The following DPH6 variants were observed in gnomAD, a reference collection of about 807,000 sequenced individuals.
The protein encoded by DPH6 is diphthine--ammonia ligase.
Under a neutral mutation model 38.2 loss-of-function variants are expected in DPH6, and 33 were observed. The observed-to-expected ratio is 0.86, with a 90% CI of 0.65 to 1.15. DPH6 has a LOEUF of 1.15. Ranked by LOEUF, DPH6 falls within the 50% of genes most tolerant of loss-of-function variation. The pLI is 0.00. For synonymous variants in DPH6, 108 were observed against 103.0 expected (o/e 1.05, Z -0.30); for missense variants, 325 against 320.0 (o/e 1.02, Z -0.12).
intron 3 of DPH6, among the ~76,000 whole-genome samples, chr15:35,276,703 C>CT (rs1248266345): frequency 6.6e-6 from 1 of 151,492 alleles, no homozygotes; most frequent in East Asian, 1.9e-4. Context: ...CTTTTCCCCA[C>CT]TTTATGTTTC....
At chr15:35,405,593 A>G (rs1251773352) in intron 6 of DPH6, among the ~76,000 whole-genome samples, 1 of 152,072 alleles carries the variant, frequency 6.6e-6, no homozygotes, top group Non-Finnish European at 1.5e-5. Flanking sequence ...CAGTTCTAAT[A>G]GTTTTTTGTT....
At chr15:35,165,179 A>T in the DPH6 span, among the ~76,000 whole-genome samples, 1 of 151,902 alleles carries the variant, frequency 6.6e-6, no homozygotes, top group South Asian at 2.1e-4. Context: ...TCTCAGTCTG[A>T]CAACTTTATT....
Position 35,469,027 on chromosome 15 carries a change from A to G in DPH6, c.313-14207T>C, listed in dbSNP as rs1202776842. ...AGGTTGCAGTGAGCCAAGACCCAACACCATTGCACTCCAGCCTGGGCAACA... is the reference window on the plus strand; with the variant it reads ...AGGTTGCAGTGAGCCAAGACCCAACGCCATTGCACTCCAGCCTGGGCAACA... On this transcript the variant is annotated intron_variant, in intron 3 of 8. Transcript: ENST00000256538. Among the ~76,000 whole-genome samples, 4 of 151,886 alleles carry G rather than the reference A, an allele frequency of 2.6e-5. No individual in the cohort carries two copies. The East Asian group carries it at 7.8e-4, about 29-fold the overall frequency.
intron 3 of DPH6, among the ~76,000 whole-genome samples, chr15:35,268,639 T>C (rs2051800748): frequency 6.6e-6 from 1 of 151,734 alleles, no homozygotes; most frequent in South Asian, 2.1e-4. Flanking sequence ...GTATATCTTC[T>C]AATACTATAT....
intron 5 of DPH6, among the ~76,000 whole-genome samples, chr15:35,412,537 A>AT (rs2053380387): frequency 6.6e-6 from 1 of 151,768 alleles, no homozygotes; most frequent in Non-Finnish European, 1.5e-5. Flanking sequence ...ATGGATATTT[A>AT]TAGCAGTTTT....
At chr15:35,194,940 T>C in the DPH6 span, among the ~76,000 whole-genome samples, 18 of 152,368 alleles carry the variant, frequency 1.2e-4, no homozygotes, top group African/African-American at 4.3e-4. Flanking sequence ...TTATTTTCTT[T>C]TAGCTATTTT....
chr15:35,508,411 G>A (rs1336148953), intron 3 of DPH6, among the ~76,000 whole-genome samples: 1 of 151,942 alleles, frequency 6.6e-6, no homozygotes, highest in Non-Finnish European at 1.5e-5. Context: ...TTCTTTACGA[G>A]GCATAAAGAA....
intron 3 of DPH6, among the ~76,000 whole-genome samples, chr15:35,231,827 T>A (rs2051520084): frequency 6.6e-6 from 1 of 151,134 alleles, no homozygotes; most frequent in Non-Finnish European, 1.5e-5. Flanking sequence ...GGAGCAAGAG[T>A]GAGGGGAGGA....
chr15:35,266,582 G>A (rs765392323), intron 3 of DPH6, among the ~76,000 whole-genome samples: 15 of 152,090 alleles, frequency 9.9e-5, no homozygotes, highest in Non-Finnish European at 1.8e-4. Context: ...TGTTCTGATT[G>A]GCCAGTGCTA....
downstream of DPH6, among the ~76,000 whole-genome samples, chr15:35,214,981 G>A (rs1463286467): frequency 6.6e-6 from 1 of 152,192 alleles, no homozygotes; most frequent in East Asian, 1.9e-4. Flanking sequence ...GTACCTGAGT[G>A]ATCCTTGTAA....
chr15:35,445,346 G>A (rs1483146638), intron 5 of DPH6, among the ~76,000 whole-genome samples: 2 of 143,766 alleles, frequency 1.4e-5, no homozygotes, highest in African/African-American at 5.2e-5. Context: ...CTACTGTTCC[G>A]AATCCTCCAT....
chr15:35,157,902 G>A, the DPH6 span, among the ~76,000 whole-genome samples: 2 of 151,480 alleles, frequency 1.3e-5, no homozygotes, highest in African/African-American at 4.9e-5. Flanking sequence ...GCAATCAAAT[G>A]TCAAAGGCAT....
At chr15:35,251,539 G>A (rs1384277102) in intron 3 of DPH6, among the ~76,000 whole-genome samples, 1 of 152,100 alleles carries the variant, frequency 6.6e-6, no homozygotes, top group East Asian at 1.9e-4. Flanking sequence ...TGGACATAAG[G>A]TCCTTCACAC....
intron 3 of DPH6, chr15:35,538,031 T>C (rs2055196933): frequency 7.0e-6 from 2 of 283,996 alleles, no homozygotes; most frequent in East Asian, 1.2e-4. Flanking sequence ...AGAAAACTTA[T>C]TTTAATATCA....
chr15:35,193,727 G>A, the DPH6 span, among the ~76,000 whole-genome samples: 1 of 152,134 alleles, frequency 6.6e-6, no homozygotes, highest in Non-Finnish European at 1.5e-5. Flanking sequence ...TGTATCAGGA[G>A]AATTTATTCC....
rs150438145 is a variant in DPH6 at position 35,424,074 on chromosome 15, A to AT, written c.506-13179dup. On this transcript the variant is annotated intron_variant, in intron 5 of 8. Transcript: ENST00000256538. Reference sequence around the variant, plus strand: ...TTTGTGGTTCCATATGAATTTTGGGATTTTTTTTTCTATTTTTATAAAGAA... The same window carrying AT: ...TTTGTGGTTCCATATGAATTTTGGGATTTTTTTTTTCTATTTTTATAAAGAA... Among the ~76,000 whole-genome samples the AT allele has an allele frequency of 1.3e-4, 20 of 150,778 alleles. 1 individual carries two copies. In the South Asian group the frequency reaches 2.7e-3, roughly 20 times the overall value.
intron 3 of DPH6, among the ~76,000 whole-genome samples, chr15:35,508,729 T>C (rs2054728833): frequency 6.6e-6 from 1 of 152,092 alleles, no homozygotes; most frequent in Admixed American, 6.5e-5. Context: ...AATCGCTAAA[T>C]CATGAATGTT....
intron 3 of DPH6, 122 bp downstream of exon 3, chr15:35,538,152 T>C: frequency 1.2e-6 from 1 of 857,178 alleles, no homozygotes; most frequent in South Asian, 3.8e-5. Context: ...AAAGACAAAA[T>C]CCTTTTAAAG....
intron 3 of DPH6, among the ~76,000 whole-genome samples, chr15:35,320,758 C>T (rs992693214): frequency 6.6e-6 from 1 of 152,202 alleles, no homozygotes; most frequent in East Asian, 1.9e-4. Flanking sequence ...AAAACTCACA[C>T]TGCTGATGGC....
Sources: allele counts gnomAD v4.1 joint callset (sites outside exome capture counted in the v4.1 genomes callset), GRCh38; gene constraint gnomAD v4.1.1; transcripts MANE v1.5; gene names NCBI Gene and HGNC (gene_info 2026-07-23, HGNC 2026-07-21).